The following LARGE1 variants were observed in gnomAD, a reference collection of about 807,000 sequenced individuals.
LARGE1 encodes the protein LARGE xylosyl- and glucuronyltransferase 1.
A neutral mutation model predicts 87.6 loss-of-function variants in LARGE1; 43 were observed. The observed-to-expected ratio is 0.49, with a 90% CI of 0.38 to 0.63. LARGE1 has a LOEUF of 0.63. Among genes scored for constraint, LARGE1 ranks in the 30% least tolerant of loss-of-function variants. The probability of loss-of-function intolerance (pLI) is 0.00; values close to 1 mark genes in which losing one functional copy is unlikely to be tolerated. For synonymous variants in LARGE1, 434 were observed against 394.6 expected (o/e 1.10, Z -1.18); for missense variants, 802 against 1,000.2 (o/e 0.80, Z 2.67).
intron 2 of LARGE1, among the ~76,000 whole-genome samples, chr22:33,726,442 T>C (rs1363843534): frequency 1.3e-5 from 2 of 152,136 alleles, no homozygotes; most frequent in Non-Finnish European, 2.9e-5. Context: ...TCAGGACAAG[T>C]TTTTCCCTGC....
intron 1 of LARGE1, among the ~76,000 whole-genome samples, chr22:33,831,258 T>C (rs2062958711): frequency 6.6e-6 from 1 of 152,014 alleles, no homozygotes; most frequent in Non-Finnish European, 1.5e-5. Context: ...TTAGCAGAGA[T>C]TCTAAGGGTT....
At chr22:33,464,110 A>G (rs192035357) in intron 6 of LARGE1, among the ~76,000 whole-genome samples, 26 of 152,350 alleles carry the variant, frequency 1.7e-4, no homozygotes, top group Admixed American at 1.0e-3. Flanking sequence ...ACTTAGGAAT[A>G]CATAAACAAC....
intron 6 of LARGE1, among the ~76,000 whole-genome samples, chr22:33,502,630 G>A (rs1368908871): frequency 4.6e-5 from 7 of 151,980 alleles, no homozygotes; most frequent in East Asian, 1.9e-4. Context: ...GTGCAGTGGC[G>A]TGATCTCGGC....
chr22:33,084,014 A>T, the LARGE1 span, among the ~76,000 whole-genome samples: 1 of 151,822 alleles, frequency 6.6e-6, no homozygotes, highest in Non-Finnish European at 1.5e-5. Flanking sequence ...TACACTTTAC[A>T]CCCCAGTAAA....
intron 1 of LARGE1, among the ~76,000 whole-genome samples, chr22:33,865,092 G>A (rs905217683): frequency 5.3e-5 from 8 of 152,306 alleles, no homozygotes; most frequent in Admixed American, 3.9e-4. Flanking sequence ...CTTCTACTGT[G>A]GAACAGAATT....
intron 2 of LARGE1, among the ~76,000 whole-genome samples, chr22:33,681,883 G>A (rs1379290767): frequency 2.0e-5 from 3 of 152,226 alleles, no homozygotes; most frequent in Non-Finnish European, 4.4e-5. Flanking sequence ...TTACACCTAA[G>A]TCTATGCTCA....
chr22:33,744,787 A>G (rs144086848), intron 2 of LARGE1, among the ~76,000 whole-genome samples: 64 of 152,310 alleles, frequency 4.2e-4, no homozygotes, highest in Admixed American at 8.5e-4. Context: ...GAGGGAGGAG[A>G]AGGAGGAAAG....
the LARGE1 span, among the ~76,000 whole-genome samples, chr22:33,134,881 T>C: frequency 6.6e-6 from 1 of 152,202 alleles, no homozygotes; most frequent in Non-Finnish European, 1.5e-5. Context: ...ATTTCTTTTA[T>C]ATGTGAAGAG....
intron 6 of LARGE1, among the ~76,000 whole-genome samples, chr22:33,501,566 C>T (rs1336342356): frequency 6.6e-6 from 1 of 152,202 alleles, no homozygotes; most frequent in African/African-American, 2.4e-5. Context: ...TCTCAATGTG[C>T]TCTGGGTTTC....
At chr22:33,384,167 T>C (rs1442817263) in intron 8 of LARGE1, 25 bp downstream of exon 8, 2 of 1,506,304 alleles carry the variant, frequency 1.3e-6, no homozygotes, top group Non-Finnish European at 1.8e-6. Context: ...CAGGAATAGC[T>C]GCACCTTCGA....
intron 5 of LARGE1, among the ~76,000 whole-genome samples, chr22:33,580,950 G>C (rs754241317): frequency 1.3e-5 from 2 of 152,060 alleles, no homozygotes; most frequent in Admixed American, 1.3e-4. Flanking sequence ...ATACATAACC[G>C]GTCAGTTTGT....
the LARGE1 span, among the ~76,000 whole-genome samples, chr22:33,105,043 G>T: frequency 1.3e-5 from 2 of 150,276 alleles, no homozygotes; most frequent in Admixed American, 1.3e-4. Flanking sequence ...TGTCACCCAG[G>T]CTGGAGTGCA....
chr22:33,351,541 T>A (rs2146760508), intron 9 of LARGE1, among the ~76,000 whole-genome samples: 1 of 152,056 alleles, frequency 6.6e-6, no homozygotes, highest in South Asian at 2.1e-4. Context: ...AAGTATAAAA[T>A]AAATGAGTAT....
chr22:33,885,479 T>G (rs776833001), intron 1 of LARGE1, among the ~76,000 whole-genome samples: 1 of 152,220 alleles, frequency 6.6e-6, no homozygotes, highest in Admixed American at 6.5e-5. Flanking sequence ...ATAGGAATGT[T>G]TATCTCATAT....
At chr22:33,212,783 C>T (rs530001010) in intron 11 of LARGE1, among the ~76,000 whole-genome samples, 3 of 151,980 alleles carry the variant, frequency 2.0e-5, no homozygotes, top group Admixed American at 6.5e-5. Context: ...TTTGGGAGGC[C>T]GAGACAGGTG....
intron 11 of LARGE1, among the ~76,000 whole-genome samples, chr22:33,227,448 C>A (rs1925797498): frequency 6.6e-6 from 1 of 152,210 alleles, no homozygotes. Context: ...AGACATGGAA[C>A]TGCCTACCCT....
chr22:33,660,091 T>TGTGTGTG (rs1555987502), intron 2 of LARGE1, among the ~76,000 whole-genome samples: 125 of 41,656 alleles, frequency 3.0e-3, no homozygotes, highest in African/African-American at 4.3e-3. Context: ...TGTGTGTGTG[T>TGTGTGTG]TTTTTTTTTT....
chr22:33,747,868 C>G (rs1003688678), intron 2 of LARGE1: 2 of 152,038 alleles, frequency 1.3e-5, no homozygotes, highest in African/African-American at 4.8e-5. Flanking sequence ...GATTATTTCA[C>G]TGTATCAAGA....
chr22:33,605,052 T>C (rs1405700787), intron 4 of LARGE1, among the ~76,000 whole-genome samples: 1 of 151,516 alleles, frequency 6.6e-6, no homozygotes, highest in Admixed American at 6.6e-5. Context: ...GGCTTTAAGA[T>C]GGAGTCATCG....
Sources: gnomAD v4.1 joint callset for allele counts (sites outside exome capture counted in the v4.1 genomes callset) on GRCh38, gnomAD v4.1.1 for gene constraint, MANE v1.5 for transcripts, NCBI Gene and HGNC (gene_info 2026-07-23, HGNC 2026-07-21) for gene names.